The following ATAD1 variants were observed in gnomAD, a reference collection of about 807,000 sequenced individuals.
ATAD1 encodes the protein ATPase family AAA domain containing 1, also known as outer mitochondrial transmembrane helix translocase.
A neutral mutation model predicts 42.7 loss-of-function variants in ATAD1; 18 were observed. That is an observed-to-expected ratio of 0.42 (90% CI 0.29 to 0.63). ATAD1 has a LOEUF of 0.63. Among genes scored for constraint, ATAD1 ranks in the 20% least tolerant of loss-of-function variants. ATAD1 has a pLI of 0.19. For synonymous variants in ATAD1, 132 were observed against 143.1 expected (o/e 0.92, Z 0.55); for missense variants, 294 against 440.4 (o/e 0.67, Z 2.98).
chr10:87,829,230 A>ATTT (rs1857783866), intron 1 of ATAD1, among the ~76,000 whole-genome samples: 2 of 122,728 alleles, frequency 1.6e-5, no homozygotes, highest in African/African-American at 2.9e-5. Context: ...TCATTATTTT[A>ATTT]TTTATTATTT....
intron 5 of ATAD1, among the ~76,000 whole-genome samples, chr10:87,777,096 A>C (rs1171022297): frequency 6.6e-6 from 1 of 152,188 alleles, no homozygotes; most frequent in Non-Finnish European, 1.5e-5. Flanking sequence ...TTCTTCTCTA[A>C]AAATACATTC....
intron 2 of ATAD1, among the ~76,000 whole-genome samples, chr10:87,802,828 C>T (rs1051237571): frequency 6.6e-6 from 1 of 152,126 alleles, no homozygotes; most frequent in African/African-American, 2.4e-5. Context: ...TCTAGTCCTG[C>T]CTAATATTTT....
At chr10:87,768,023 A>G (rs1034276770) in intron 7 of ATAD1, among the ~76,000 whole-genome samples, 1 of 152,186 alleles carries the variant, frequency 6.6e-6, no homozygotes, top group Non-Finnish European at 1.5e-5. Context: ...TCTTCCCTCT[A>G]TAGTTCAGCA....
At chr10:87,797,408 T>C (rs1472676352) in intron 2 of ATAD1, among the ~76,000 whole-genome samples, 1 of 152,222 alleles carries the variant, frequency 6.6e-6, no homozygotes, top group African/African-American at 2.4e-5. Flanking sequence ...TTTCATTTAC[T>C]TTTCTTCCAC....
intron 1 of ATAD1, among the ~76,000 whole-genome samples, chr10:87,838,264 C>T (rs986978653): frequency 3.3e-5 from 5 of 152,078 alleles, no homozygotes; most frequent in South Asian, 2.1e-4. Context: ...CGGTGGCTCA[C>T]GCCCTTAATC....
chr10:87,809,795 T>C (rs866829437), intron 2 of ATAD1, among the ~76,000 whole-genome samples: 2 of 151,918 alleles, frequency 1.3e-5, no homozygotes, highest in African/African-American at 2.4e-5. Flanking sequence ...TACAGGAACA[T>C]GCCACCACGC....
rs1857769241 is a variant in ATAD1 at position 87,828,518 on chromosome 10, GC to G, written c.-14+12668del. On this transcript the variant is annotated intron_variant, in intron 1 of 4. Coordinates refer to the ATAD1 transcript ENST00000495903. ...TAGTTCATGAGGTTTAAGGAAGGAA[GC>G]TATCTTCATAACATGTAAGTGCAAG... Among the ~76,000 whole-genome samples the G allele has an allele frequency of 2.6e-5, 4 of 152,348 alleles. No homozygotes were observed. The South Asian group carries it at 8.3e-4, about 32-fold the overall frequency.
chr10:87,752,542 G>C lies in ATAD1; in HGVS notation c.*2145C>G, dbSNP rs536907813. On this transcript the variant is annotated 3_prime_UTR_variant, in exon 10 of 10. Coordinates refer to ENST00000680024, the MANE Select transcript of ATAD1 (RefSeq NM_001321967.2). ...TTACAGATGAGAAACTGGGCTCACA[G>C]ACACACAGTTAATGGGGAGCCTGAG... is the stretch of plus-strand genomic sequence containing the variant. The C allele has an allele frequency of 5.1e-5, 7 of 137,232 alleles. 1 individual carries two copies. Among genetic ancestry groups the C allele is most frequent in the African/African-American group, 8.1e-5 (3 of 37,238 alleles). The allele number at this position is 137,232 out of a possible 1,614,324, so 8.5% of individuals were successfully genotyped here.
At chr10:87,818,656 T>A (rs1857546165), upstream of ATAD1, 1 of 152,310 alleles carries the variant, frequency 6.6e-6, no homozygotes, top group Non-Finnish European at 1.5e-5. Context: ...ACGCAGAAGC[T>A]TATGGCCACC....
intron 1 of ATAD1, chr10:87,833,141 C>A (rs916888623): frequency 2.0e-5 from 3 of 152,126 alleles, no homozygotes; most frequent in Admixed American, 2.0e-4. Context: ...GTTAGATCTT[C>A]TTTGATTGCT....
intron 9 of ATAD1, among the ~76,000 whole-genome samples, chr10:87,756,362 G>A (rs979370019): frequency 6.6e-6 from 1 of 152,198 alleles, no homozygotes; most frequent in Non-Finnish European, 1.5e-5. Context: ...AAATAAGGCT[G>A]TTAAAAAAAT....
chr10:87,832,654 A>G (rs909938225), intron 1 of ATAD1, among the ~76,000 whole-genome samples: 2 of 151,988 alleles, frequency 1.3e-5, no homozygotes, highest in African/African-American at 2.4e-5. Context: ...AAAAATTTTA[A>G]ATCATAATTT....
chr10:87,838,608 C>T (rs541278174), intron 1 of ATAD1, among the ~76,000 whole-genome samples: 1 of 152,050 alleles, frequency 6.6e-6, no homozygotes, highest in East Asian at 1.9e-4. Flanking sequence ...AAGCTCTAAC[C>T]CTGAAAGTAA....
intron 5 of ATAD1, among the ~76,000 whole-genome samples, chr10:87,781,316 A>G (rs1395744363): frequency 6.6e-6 from 1 of 152,186 alleles, no homozygotes; most frequent in Admixed American, 6.5e-5. Context: ...CTACAGTAAA[A>G]AAAGGGAAAC....
chr10:87,836,925 CACTG>C (rs774763778), intron 1 of ATAD1, among the ~76,000 whole-genome samples: 108 of 152,340 alleles, frequency 7.1e-4, no homozygotes, highest in Non-Finnish European at 8.2e-4. Flanking sequence ...TCTTCAAATT[CACTG>C]ACTGTTTCCT....
At chr10:87,791,370 A>G (rs1397125607) in intron 3 of ATAD1, among the ~76,000 whole-genome samples, 1 of 152,130 alleles carries the variant, frequency 6.6e-6, no homozygotes, top group Non-Finnish European at 1.5e-5. Flanking sequence ...GGCCAATCAG[A>G]AGCAATACTT....
intron 5 of ATAD1, among the ~76,000 whole-genome samples, chr10:87,777,247 T>C (rs1182941582): frequency 6.6e-6 from 1 of 152,200 alleles, no homozygotes; most frequent in Non-Finnish European, 1.5e-5. Flanking sequence ...TTATGTTGCA[T>C]ACTTTTTTCT....
At chr10:87,776,495 G>T in intron 5 of ATAD1, 68 bp from the exon 6 acceptor site, 2 of 1,297,840 alleles carry the variant, frequency 1.5e-6, no homozygotes, top group Admixed American at 3.6e-5. Context: ...TTGAGACAGG[G>T]TCTCACTCTG....
chr10:87,839,489 G>T (rs2132122235), intron 1 of ATAD1, among the ~76,000 whole-genome samples: 1 of 152,278 alleles, frequency 6.6e-6, no homozygotes. Context: ...GCAGATAGTA[G>T]TTTTAAATAA....
Sources: gnomAD v4.1 joint callset for allele counts (sites outside exome capture counted in the v4.1 genomes callset) on GRCh38, gnomAD v4.1.1 for gene constraint, MANE v1.5 for transcripts, NCBI Gene and HGNC (gene_info 2026-07-23, HGNC 2026-07-21) for gene names.